Variants in FGD5 observed in about 807,000 individuals in gnomAD.
FGD5 encodes FYVE, RhoGEF and PH domain containing 5.
In FGD5, 28 loss-of-function variants were observed where a neutral mutation model predicts 133.4. The observed-to-expected ratio is 0.21, with a 90% CI of 0.16 to 0.29. The LOEUF is 0.29. Ranked by LOEUF, FGD5 falls within the 10% of genes least tolerant of loss-of-function variation. FGD5 has a pLI of 1.00. For missense variants in FGD5, 1,858 were observed against 1,895.2 expected, an observed-to-expected ratio of 0.98 and a Z score of 0.36; for synonymous variants, 810 against 776.5, an observed-to-expected ratio of 1.04 and a Z score of -0.72.
upstream of FGD5, among the ~76,000 whole-genome samples, chr3:14,815,867 G>A (rs1238697801): frequency 9.9e-5 from 15 of 152,216 alleles, no homozygotes; most frequent in Non-Finnish European, 1.3e-4. Flanking sequence ...CTCTGGACTC[G>A]CTGGGTAGCC....
At chr3:14,882,434 A>C in intron 4 of FGD5, 8 of 794,996 alleles carry the variant, frequency 1.0e-5, no homozygotes, top group African/African-American at 1.9e-5. Flanking sequence ...GCGATGGCTC[A>C]TGCCTGTAAT....
At chr3:14,879,165 T>C (rs2037778416) in intron 2 of FGD5, among the ~76,000 whole-genome samples, 1 of 152,224 alleles carries the variant, frequency 6.6e-6, no homozygotes, top group Non-Finnish European at 1.5e-5. Context: ...TTTGTCCACA[T>C]ATGAGGAAAC....
intron 1 of FGD5, among the ~76,000 whole-genome samples, chr3:14,851,851 A>G (rs1217728952): frequency 6.6e-6 from 1 of 152,034 alleles, no homozygotes; most frequent in East Asian, 1.9e-4. Context: ...GGAGGCTGAG[A>G]TGGAATCAGA....
At position 14,910,917 on chromosome 3, in the gene FGD5, G is replaced by A. The variant is rs778892167; in HGVS notation, c.3393G>A (p.Arg1131=). The A allele has an allele frequency of 7.4e-6, 12 of 1,612,674 alleles. No homozygotes were observed. The African/African-American group carries it at 1.1e-4, about 14-fold the overall frequency. The change falls in exon 11 of 20, where the codon CGG becomes CGA. Residue 1131 remains arginine, a synonymous_variant. Coordinates refer to ENST00000285046, the MANE Select transcript of FGD5 (RefSeq NM_152536.4). ...MKVTGKNRRP[R]HLFLMNDVLL... ...TAACAGGGAAAAACAGACGGCCCCG[G>A]CACCTATTTCTGGTAAGTGCCCGGT...
At chr3:14,888,431 C>T (rs1182872374) in intron 4 of FGD5, among the ~76,000 whole-genome samples, 1 of 152,170 alleles carries the variant, frequency 6.6e-6, no homozygotes, top group East Asian at 1.9e-4. Flanking sequence ...TAACCCAGCC[C>T]CAGCTGTGCA....
chr3:14,932,308 C>T, intron 18 of FGD5: 1 of 309,528 alleles, frequency 3.2e-6, no homozygotes, highest in South Asian at 6.7e-5. Flanking sequence ...GTCTCGAACT[C>T]CTGACCTCAG....
chr3:14,852,646 G>A (rs747321971), intron 1 of FGD5, among the ~76,000 whole-genome samples: 5 of 152,188 alleles, frequency 3.3e-5, no homozygotes, highest in Non-Finnish European at 5.9e-5. Context: ...ATGCTGCTGC[G>A]TTTTAAGAGG....
chr3:14,920,238 A>G (rs1191575820), intron 13 of FGD5: 1 of 152,148 alleles, frequency 6.6e-6, no homozygotes, highest in East Asian at 1.9e-4. Context: ...CAGCAAGCAC[A>G]TGAGATGGGA....
rs2038947757 is a variant in FGD5 at position 14,934,399 on chromosome 3, C to T, written c.*1232C>T. ...AATCAATTGTTTGATATCCTGTCCC[C>T]ATTCTGTTGCTGCCCTGTCCCCTAC... On this transcript the variant is annotated 3_prime_UTR_variant, in exon 20 of 20. Transcript: ENST00000285046. The T allele has an allele frequency of 6.6e-6, 1 of 152,180 alleles. No individual in the cohort carries two copies. The highest frequency in any genetic ancestry group is 2.4e-5 in the African/African-American group (1 of 41,424). 9.4% of individuals were successfully genotyped at this position (152,180 alleles called of 1,614,324 possible). A position where few individuals can be genotyped will look rare whatever the true frequency, so the allele number is the denominator to read the frequency against.
chr3:14,848,679 A>T (rs1355886471), intron 1 of FGD5, among the ~76,000 whole-genome samples: 1 of 152,246 alleles, frequency 6.6e-6, no homozygotes, highest in Non-Finnish European at 1.5e-5. Context: ...CAAATAAAAA[A>T]GATTATAAAT....
At chr3:14,875,037 A>G (rs2037688531) in intron 2 of FGD5, among the ~76,000 whole-genome samples, 1 of 152,096 alleles carries the variant, frequency 6.6e-6, no homozygotes, top group Admixed American at 6.5e-5. Flanking sequence ...CCTGTCTCTG[A>G]GTTTTCCAGC....
chr3:14,924,864 G>A (rs544949789), intron 17 of FGD5, among the ~76,000 whole-genome samples: 1 of 152,254 alleles, frequency 6.6e-6, no homozygotes, highest in African/African-American at 2.4e-5. Flanking sequence ...CACTTTGGGA[G>A]GCTGAGGTGG....
chr3:14,854,412 T>C (rs978384198), intron 1 of FGD5, among the ~76,000 whole-genome samples: 5 of 127,822 alleles, frequency 3.9e-5, no homozygotes, highest in Admixed American at 1.6e-4. Flanking sequence ...TTTATTTATT[T>C]ATTTATTTAT....
In FGD5 at chr3:14,923,121, G is replaced by T. The variant is rs1253176160; in HGVS notation, c.3883G>T (p.Gly1295Cys). ...GGACAGGATGGCCAAGGTCTGCGAC[G>T]GCTGCTTCGGGGAGCTGAAGAAGCG... ...LKDRMAKVCD[G>C]CFGELKKRGR... is the part of the protein sequence containing the mutation. The change falls in exon 16 of 20, where the codon GGC becomes TGC. Residue 1295 changes from glycine to cysteine, a missense_variant. Physicochemically the swap from Gly to Cys is radical, Grantham distance 159. Transcript: ENST00000285046. 1.2e-6 allele frequency: 2 copies of T among 1,613,770 alleles called. No individual in the cohort carries two copies. Among genetic ancestry groups the T allele is most frequent in the Non-Finnish European group, 1.7e-6 (2 of 1,179,884 alleles).
At chr3:14,863,303 T>G (rs899977296) in intron 1 of FGD5, among the ~76,000 whole-genome samples, 2 of 152,174 alleles carry the variant, frequency 1.3e-5, no homozygotes, top group Non-Finnish European at 2.9e-5. Context: ...GCACAGTCTT[T>G]TGTGGAATAA....
At chr3:14,826,785 C>T (rs755773431) in intron 1 of FGD5, among the ~76,000 whole-genome samples, 7 of 152,164 alleles carry the variant, frequency 4.6e-5, no homozygotes. Flanking sequence ...CACACACACA[C>T]ACAACGACTG....
intron 1 of FGD5, among the ~76,000 whole-genome samples, chr3:14,837,954 C>G (rs1015399629): frequency 2.0e-5 from 3 of 152,182 alleles, no homozygotes; most frequent in Admixed American, 2.0e-4. Context: ...AAGACAACAT[C>G]TGTTTTTCAT....
intron 4 of FGD5, 24 bp from the exon 5 acceptor site, chr3:14,897,485 G>A: frequency 5.6e-6 from 9 of 1,594,566 alleles, no homozygotes; most frequent in Non-Finnish European, 7.7e-6. Flanking sequence ...CAACCTGTGG[G>A]TAACAGACCT....
At position 14,841,561 on chromosome 3, in the gene FGD5, C is replaced by CTT. The variant is rs34268022; in HGVS notation, c.2525+19979_2525+19980dup. ...GAGATGAACAGACTTAAGGATCAGG[C>CTT]TTTTTTTTTTTTTTTAAGGATAAGA... is the stretch of plus-strand genomic sequence containing the variant. On this transcript the variant is annotated intron_variant, in intron 1 of 19. Coordinates refer to ENST00000285046, the MANE Select transcript of FGD5 (RefSeq NM_152536.4). 5.0e-3 allele frequency among the ~76,000 whole-genome samples: 698 copies of CTT among 140,848 alleles called. 4 individuals are homozygous for CTT. Among genetic ancestry groups the CTT allele is most frequent in the South Asian group, 0.031 (132 of 4,322 alleles). 92.4% of individuals were successfully genotyped at this position (140,848 alleles called of 152,430 possible).
Sources: gnomAD v4.1 joint callset for allele counts (sites outside exome capture counted in the v4.1 genomes callset) on GRCh38, gnomAD v4.1.1 for gene constraint, MANE v1.5 for transcripts, NCBI Gene and HGNC (gene_info 2026-07-23, HGNC 2026-07-21) for gene names.